Variants in CCDC43 observed in about 807,000 individuals in gnomAD.
CCDC43 encodes the protein coiled-coil domain-containing protein 43.
Under a neutral mutation model 33.3 loss-of-function variants are expected in CCDC43, and 20 were observed. That is an observed-to-expected ratio of 0.60 (90% CI 0.42 to 0.87). The LOEUF is 0.87. Among genes scored for constraint, CCDC43 ranks in the 40% least tolerant of loss-of-function variants. The probability of loss-of-function intolerance (pLI) is 0.00; values close to 1 mark genes in which losing one functional copy is unlikely to be tolerated. For missense variants in CCDC43, 248 were observed against 269.9 expected (o/e 0.92, Z 0.57); for synonymous variants, 104 against 106.5 (o/e 0.98, Z 0.14).
At chr17:44,689,431 C>T (rs546629751) in intron 1 of CCDC43, 119 bp downstream of exon 1, 8 of 1,428,320 alleles carry the variant, frequency 5.6e-6, no homozygotes, top group African/African-American at 4.3e-5. Context: ...GAGGAGTATA[C>T]CTCTCCCAGG....
At chr17:44,682,459 A>ACGTT (rs1307017970) in intron 2 of CCDC43, among the ~76,000 whole-genome samples, 2 of 152,022 alleles carry the variant, frequency 1.3e-5, no homozygotes, top group Non-Finnish European at 2.9e-5. Context: ...AAGCCTCTGA[A>ACGTT]CACTCAACTT....
At chr17:44,683,645 A>C (rs1972193760) in intron 2 of CCDC43, among the ~76,000 whole-genome samples, 1 of 152,198 alleles carries the variant, frequency 6.6e-6, no homozygotes. Context: ...AAAGTAAAAA[A>C]CCACAATGAA....
At chr17:44,680,536 T>G (rs1432937007) in intron 4 of CCDC43, 49 bp downstream of exon 4, 1 of 1,352,920 alleles carries the variant, frequency 7.4e-7, no homozygotes. Context: ...AAAACTGATC[T>G]CAAGAGGACT....
rs947923408 is a variant in CCDC43, at chr17:44,681,419, C to T, written c.428+584G>A. ...TACCACTGCACTCCAGCCTAAGCGA[C>T]GAAGCGAGACTCTGTCCAGAATTAT... On this transcript the variant is annotated intron_variant, in intron 3 of 4. Coordinates refer to ENST00000315286, the MANE Select transcript of CCDC43 (RefSeq NM_144609.3). 3.9e-5 allele frequency among the ~76,000 whole-genome samples: 6 copies of T among 152,160 alleles called. No homozygotes were observed. The East Asian group carries it at 5.8e-4, about 15-fold the overall frequency.
chr17:44,684,017 C>T, intron 1 of CCDC43, 58 bp from the exon 2 acceptor site: 3 of 1,121,814 alleles, frequency 2.7e-6, no homozygotes, highest in Non-Finnish European at 4.1e-6. Context: ...ACAATAGTAA[C>T]CTCAAAAAAG....
chr17:44,685,291 C>T (rs1396961116), intron 1 of CCDC43, among the ~76,000 whole-genome samples: 1 of 152,274 alleles, frequency 6.6e-6, no homozygotes, highest in African/African-American at 2.4e-5. Context: ...TCAGAACCTT[C>T]CCTAAGGTTA....
intron 4 of CCDC43, 81 bp downstream of exon 4, chr17:44,680,501 AGCC>A (rs1972142770): frequency 3.1e-6 from 3 of 953,490 alleles, no homozygotes; most frequent in African/African-American, 3.2e-5. Flanking sequence ...GGTAAAGGGG[AGCC>A]GCCAGCAATG....
chr17:44,686,070 C>T (rs924465148), intron 1 of CCDC43, among the ~76,000 whole-genome samples: 3 of 152,160 alleles, frequency 2.0e-5, no homozygotes, highest in Non-Finnish European at 2.9e-5. Flanking sequence ...CCCGCCACCA[C>T]GCCCAGCTAA....
At position 44,689,743 on chromosome 17, in the gene CCDC43, G is replaced by C. The variant is rs1266959401; in HGVS notation, c.11C>G (p.Pro4Arg). 7 of 1,560,416 alleles carry C rather than the reference G, an allele frequency of 4.5e-6. No individual in the cohort carries two copies. The highest frequency in any genetic ancestry group is 6.1e-6 in the Non-Finnish European group (7 of 1,154,716). ...AGGGGCTATCGCGGCCACTTCGCTG[G>C]GCGCCGCCATCTTGGGGTCAGGGTC... MAA[P>R]SEVAAIAPGE... Residue 4 changes from proline to arginine, a missense_variant, in exon 1 of 5, where the codon CCC (proline) becomes CGC (arginine). Physicochemically the swap from Pro to Arg is moderately radical, Grantham distance 103. Coordinates refer to ENST00000315286, the MANE Select transcript of CCDC43 (RefSeq NM_144609.3).
At position 44,677,788 on chromosome 17, in the gene CCDC43, C is replaced by A. The variant is rs1369908956; in HGVS notation, c.*1068G>T. 3 of 152,132 alleles carry A rather than the reference C, an allele frequency of 2.0e-5. No homozygotes were observed. Among genetic ancestry groups the A allele is most frequent in the Non-Finnish European group, 4.4e-5 (3 of 68,016 alleles). The allele number at this position is 152,132 out of a possible 1,614,324, so 9.4% of individuals were successfully genotyped here. On this transcript the variant is annotated 3_prime_UTR_variant, in exon 5 of 5. Coordinates refer to ENST00000315286, the MANE Select transcript of CCDC43 (RefSeq NM_144609.3). ...GGCCCGTGGGCAGTAGTTTGCCAAC[C>A]CCTGGTATAAAATATCTACTTTGTC...
intron 1 of CCDC43, among the ~76,000 whole-genome samples, chr17:44,685,916 A>G (rs1275350874): frequency 1.3e-5 from 2 of 151,906 alleles, no homozygotes; most frequent in East Asian, 1.9e-4. Flanking sequence ...CTTAGAGCCC[A>G]TGTTCTTTTT....
chr17:44,689,576 G>C lies in CCDC43; in HGVS notation c.178C>G (p.Leu60Val), dbSNP rs1050635144. The change falls in exon 1 of 5, where the codon CTG becomes GTG. Residue 60 changes from leucine to valine, a missense_variant. Coordinates refer to ENST00000315286, the MANE Select transcript of CCDC43 (RefSeq NM_144609.3). The part of the protein sequence containing the change: ...EEEEEEKLDA[L>V]QGILSAFLEE... Reference sequence around the variant, plus strand: ...AGGAAAGCAGAGAGGATCCCCTGCAGAGCGTCCAGCTTCTCTTCTTCCTCC... The same window carrying C: ...AGGAAAGCAGAGAGGATCCCCTGCACAGCGTCCAGCTTCTCTTCTTCCTCC... 4.3e-6 allele frequency: 7 copies of C among 1,613,916 alleles called. No individual in the cohort carries two copies. The highest frequency in any genetic ancestry group is 5.9e-6 in the Non-Finnish European group (7 of 1,179,902).
In CCDC43 at chr17:44,689,486, G is replaced by A. The variant is rs550676889; in HGVS notation, c.204+64C>T. 66 of 1,603,292 alleles carry A rather than the reference G, an allele frequency of 4.1e-5. No homozygotes were observed. In the South Asian group the frequency reaches 7.0e-4, roughly 17 times the overall value. ...GGATACCCGGTAGGGGAGGGAGGGT[G>A]CAAAGTACTGACAGGTCCTCAGATG... On this transcript the variant is annotated intron_variant, in intron 1 of 4. Transcript: ENST00000315286.
intron 2 of CCDC43, among the ~76,000 whole-genome samples, chr17:44,682,470 C>G (rs1336551318): frequency 1.3e-5 from 2 of 151,258 alleles, no homozygotes; most frequent in East Asian, 3.9e-4. Context: ...CACTCAACTT[C>G]CCCATGGCAT....
chr17:44,679,199 C>T (rs1239588395), intron 4 of CCDC43, 156 bp from the exon 5 acceptor site: 7 of 463,392 alleles, frequency 1.5e-5, no homozygotes, highest in African/African-American at 4.0e-5. Flanking sequence ...TATCCTTGGT[C>T]TAACAGAGAA....
intron 3 of CCDC43, among the ~76,000 whole-genome samples, chr17:44,681,099 G>A (rs1290494286): frequency 6.6e-6 from 1 of 151,980 alleles, no homozygotes; most frequent in Non-Finnish European, 1.5e-5. Context: ...TTATGTCACC[G>A]GAACCATAGC....
intron 1 of CCDC43, among the ~76,000 whole-genome samples, chr17:44,684,630 G>A (rs933179780): frequency 7.2e-5 from 11 of 151,924 alleles, no homozygotes; most frequent in Admixed American, 7.2e-4. Context: ...CCAGGAGGCA[G>A]AGGTTGTGGT....
intron 2 of CCDC43, 65 bp from the exon 3 acceptor site, chr17:44,682,203 C>A: frequency 6.3e-7 from 1 of 1,592,720 alleles, no homozygotes; most frequent in Non-Finnish European, 8.6e-7. Flanking sequence ...AACCACTAGT[C>A]CACATAGGCA....
intron 4 of CCDC43, among the ~76,000 whole-genome samples, chr17:44,679,541 C>G (rs1358073111): frequency 6.6e-6 from 1 of 152,144 alleles, no homozygotes; most frequent in Non-Finnish European, 1.5e-5. Flanking sequence ...TCCTAGACTA[C>G]TAAAGCTGAA....
Sources: allele counts gnomAD v4.1 joint callset (sites outside exome capture counted in the v4.1 genomes callset), GRCh38; gene constraint gnomAD v4.1.1; transcripts MANE v1.5; gene names NCBI Gene and HGNC (gene_info 2026-07-23, HGNC 2026-07-21).